ZNF610: variants seen among roughly 807,000 people sequenced by gnomAD.
ZNF610 encodes the protein zink finger protein.
A neutral mutation model predicts 14.1 loss-of-function variants in ZNF610; 14 were observed. That is an observed-to-expected ratio of 0.99 (90% CI 0.65 to 1.55). The LOEUF (loss-of-function observed/expected upper bound fraction) is 1.55. ZNF610 is among the 40% of genes most tolerant of loss of function. The pLI is 0.00. For synonymous variants in ZNF610, 185 were observed against 187.6 expected (o/e 0.99, Z 0.11); for missense variants, 530 against 558.0 (o/e 0.95, Z 0.51).
At chr19:52,365,061 C>T (rs566069784) in intron 5 of ZNF610, among the ~76,000 whole-genome samples, 103 of 150,482 alleles carry the variant, frequency 6.8e-4, no homozygotes, top group African/African-American at 2.3e-3. Flanking sequence ...GTCTGGCCAA[C>T]GTGGTGAAAC....
chr19:52,342,729 G>C (rs964790086), intron 1 of ZNF610, among the ~76,000 whole-genome samples: 1 of 152,006 alleles, frequency 6.6e-6, no homozygotes, highest in Admixed American at 6.6e-5. Flanking sequence ...GTTTCACTGT[G>C]TTGGTCAGGC....
chr19:52,340,299 C>T (rs1984621066), intron 1 of ZNF610, among the ~76,000 whole-genome samples: 1 of 152,098 alleles, frequency 6.6e-6, no homozygotes, highest in African/African-American at 2.4e-5. Context: ...CAGGGAATTG[C>T]TTGAACCCTG....
intron 1 of ZNF610, among the ~76,000 whole-genome samples, chr19:52,340,153 C>A (rs1984609868): frequency 6.6e-6 from 1 of 152,204 alleles, no homozygotes; most frequent in African/African-American, 2.4e-5. Context: ...GTAATCCTAA[C>A]ACTTTGGGAG....
intron 1 of ZNF610, chr19:52,343,933 GA>G (rs1009213315): frequency 1.3e-5 from 2 of 152,080 alleles, no homozygotes; most frequent in African/African-American, 4.8e-5. Flanking sequence ...TCCAGTAGTC[GA>G]GGTCAGAATC....
At position 52,361,122 on chromosome 19, in the gene ZNF610, G is replaced by A. The variant is rs1029419617; in HGVS notation, c.320-4576G>A. On this transcript the variant is annotated intron_variant, in intron 5 of 5. Transcript: ENST00000403906. Reference sequence around the variant, plus strand: ...CTTCTTCATGAGTAAGTCTTGGTGAGCAGTGTGTATCTAGAAATTCATCCA... The same window carrying A: ...CTTCTTCATGAGTAAGTCTTGGTGAACAGTGTGTATCTAGAAATTCATCCA... 1.6e-4 allele frequency among the ~76,000 whole-genome samples: 25 copies of A among 151,574 alleles called. 2 individuals are homozygous for A. The highest frequency in any genetic ancestry group is 6.0e-4 in the African/African-American group (25 of 41,370).
chr19:52,362,185 T>C (rs987288721), intron 5 of ZNF610, among the ~76,000 whole-genome samples: 2 of 152,054 alleles, frequency 1.3e-5, no homozygotes, highest in African/African-American at 4.8e-5. Context: ...CCGAGGCGGG[T>C]GGATCACCTG....
intron 5 of ZNF610, among the ~76,000 whole-genome samples, chr19:52,364,682 A>G (rs1198452367): frequency 6.6e-6 from 1 of 152,084 alleles, no homozygotes; most frequent in Non-Finnish European, 1.5e-5. Flanking sequence ...GGTTCAAGTG[A>G]TTCTCCTGCC....
At chr19:52,359,617 G>A (rs761637346) in intron 5 of ZNF610, among the ~76,000 whole-genome samples, 74 of 152,118 alleles carry the variant, frequency 4.9e-4, no homozygotes, top group Non-Finnish European at 1.3e-4. Context: ...TTTTTCCTCT[G>A]CTCTCACGCC....
chr19:52,338,024 A>G (rs565032803), intron 1 of ZNF610, among the ~76,000 whole-genome samples: 1 of 152,338 alleles, frequency 6.6e-6, no homozygotes, highest in East Asian at 1.9e-4. Context: ...GTTGGGGATT[A>G]CTTCCCACCC....
At chr19:52,351,351 G>A (rs1259554979) in intron 3 of ZNF610, among the ~76,000 whole-genome samples, 1 of 152,048 alleles carries the variant, frequency 6.6e-6, no homozygotes, top group African/African-American at 2.4e-5. Context: ...AGCTACTTGG[G>A]AGGCTTAGGC....
chr19:52,342,099 G>A (rs1288233529), intron 1 of ZNF610, among the ~76,000 whole-genome samples: 2 of 152,002 alleles, frequency 1.3e-5, no homozygotes, highest in Non-Finnish European at 2.9e-5. Flanking sequence ...TTGTGCCACT[G>A]TGCCATGCTA....
chr19:52,361,424 G>A (rs1478347828), intron 5 of ZNF610, among the ~76,000 whole-genome samples: 2 of 151,918 alleles, frequency 1.3e-5, no homozygotes, highest in Admixed American at 6.6e-5. Flanking sequence ...AGATCCACCC[G>A]CCTCGGCCTC....
At chr19:52,349,407 G>A (rs1381819015) in intron 3 of ZNF610, among the ~76,000 whole-genome samples, 172 bp downstream of exon 3, 2 of 151,962 alleles carry the variant, frequency 1.3e-5, no homozygotes, top group African/African-American at 4.8e-5. Context: ...AGACTGCACT[G>A]GGCGTGGTCC....
intron 2 of ZNF610, 36 bp from the exon 3 acceptor site, chr19:52,349,118 A>G: frequency 7.2e-6 from 11 of 1,518,072 alleles, no homozygotes; most frequent in Middle Eastern, 1.7e-4. Flanking sequence ...GAATGTGTTG[A>G]TTCCGAGCAG....
chr19:52,355,538 T>C (rs1225069590), intron 5 of ZNF610, among the ~76,000 whole-genome samples: 2 of 152,240 alleles, frequency 1.3e-5, no homozygotes, highest in East Asian at 1.9e-4. Flanking sequence ...GGGTTTTCTA[T>C]AATTCATTTC....
At chr19:52,336,163 G>C (rs1036833282), upstream of ZNF610, 11 of 164,616 alleles carry the variant, frequency 6.7e-5, no homozygotes, top group African/African-American at 1.4e-4. Flanking sequence ...GGAAAACAGA[G>C]GCACTGGAGG....
Position 52,364,064 on chromosome 19 carries a change from CAAT to C in ZNF610, c.320-1631_320-1629del, listed in dbSNP as rs1024453488. ...ATTGAAGTTACATAAAACATTGTAA[CAAT>C]AAAACATTATTTTAAAATGTCAACA... On this transcript the variant is annotated intron_variant, in intron 5 of 5. Transcript: ENST00000403906. 2.3e-4 allele frequency among the ~76,000 whole-genome samples: 35 copies of C among 152,244 alleles called. 2 individuals carry two copies. Among genetic ancestry groups the C allele is most frequent in the Middle Eastern group, 3.4e-3 (1 of 292 alleles).
intron 5 of ZNF610, among the ~76,000 whole-genome samples, chr19:52,356,880 G>A (rs1207123738): frequency 2.0e-5 from 3 of 152,110 alleles, no homozygotes; most frequent in South Asian, 2.1e-4. Context: ...CTTGCACCAC[G>A]CAACAATAAA....
chr19:52,340,703 C>T (rs1377976398), intron 1 of ZNF610, among the ~76,000 whole-genome samples: 11 of 144,430 alleles, frequency 7.6e-5, no homozygotes, highest in South Asian at 4.7e-4. Context: ...TTATTTGAGA[C>T]GGAGTCTCAC....
Sources: allele counts gnomAD v4.1 joint callset (sites outside exome capture counted in the v4.1 genomes callset), GRCh38; gene constraint gnomAD v4.1.1; transcripts MANE v1.5; gene names NCBI Gene and HGNC (gene_info 2026-07-23, HGNC 2026-07-21).